The following PLD5 variants were observed in gnomAD, a reference collection of about 807,000 sequenced individuals.
PLD5 encodes phospholipase D family member 5.
In PLD5, 36 loss-of-function variants were observed where a neutral mutation model predicts 61.1. The observed-to-expected ratio is 0.59, with a 90% CI of 0.45 to 0.78. The LOEUF is 0.78. Ranked by LOEUF, PLD5 falls within the 30% of genes least tolerant of loss-of-function variation. The probability of loss-of-function intolerance (pLI) is 0.00; values close to 1 mark genes in which losing one functional copy is unlikely to be tolerated. For missense variants in PLD5, 515 were observed against 644.4 expected (o/e 0.80, Z 2.17); for synonymous variants, 243 against 242.8 (o/e 1.00, Z -0.01).
At chr1:242,220,553 T>C (rs1330405298) in intron 4 of PLD5, among the ~76,000 whole-genome samples, 1 of 152,038 alleles carries the variant, frequency 6.6e-6, no homozygotes, top group African/African-American at 2.4e-5. Flanking sequence ...GTATCACAGC[T>C]CTCCTCAATA....
intron 1 of PLD5, among the ~76,000 whole-genome samples, chr1:242,458,586 G>A (rs1466536545): frequency 6.6e-6 from 1 of 152,194 alleles, no homozygotes; most frequent in Non-Finnish European, 1.5e-5. Flanking sequence ...AGTGTTATAA[G>A]TAAATCCACC....
At chr1:242,499,083 T>C (rs1242341103) in intron 1 of PLD5, among the ~76,000 whole-genome samples, 2 of 152,206 alleles carry the variant, frequency 1.3e-5, no homozygotes, top group African/African-American at 4.8e-5. Flanking sequence ...AGAGGAAGGA[T>C]TCGTTTCTTT....
At chr1:242,523,750 G>C (rs373486950) in intron 1 of PLD5, among the ~76,000 whole-genome samples, 1 of 152,322 alleles carries the variant, frequency 6.6e-6, no homozygotes, top group African/African-American at 2.4e-5. Flanking sequence ...ACGCCAGGTT[G>C]CTCGGAGCCA....
intron 1 of PLD5, among the ~76,000 whole-genome samples, chr1:242,444,752 TATATATA>T (rs1455004136): frequency 1.4e-5 from 2 of 146,960 alleles, no homozygotes; most frequent in East Asian, 2.0e-4. Context: ...AAGTAGGCTA[TATATATA>T]ATATATATTT....
At chr1:242,254,381 A>G (rs948605526) in intron 4 of PLD5, among the ~76,000 whole-genome samples, 1 of 151,844 alleles carries the variant, frequency 6.6e-6, no homozygotes, top group African/African-American at 2.4e-5. Context: ...AAAGGAAAAA[A>G]AGGAAAGGCT....
At chr1:242,203,192 G>A (rs935513173) in intron 5 of PLD5, among the ~76,000 whole-genome samples, 1 of 151,808 alleles carries the variant, frequency 6.6e-6, no homozygotes, top group African/African-American at 2.4e-5. Context: ...GGACTAATTA[G>A]AGAAAGCCAA....
intron 3 of PLD5, 49 bp downstream of exon 3, chr1:242,288,313 G>C (rs1202136395): frequency 2.8e-5 from 45 of 1,588,454 alleles, no homozygotes; most frequent in Non-Finnish European, 3.8e-5. Flanking sequence ...CTAAGGAGTG[G>C]AAAATGCACA....
At chr1:242,294,119 C>T (rs1675520313) in intron 2 of PLD5, among the ~76,000 whole-genome samples, 1 of 152,158 alleles carries the variant, frequency 6.6e-6, no homozygotes, top group African/African-American at 2.4e-5. Context: ...GAGAACTCTA[C>T]CTAGAGGCTG....
chr1:242,244,831 G>T (rs1672267200), intron 4 of PLD5, among the ~76,000 whole-genome samples: 2 of 152,194 alleles, frequency 1.3e-5, no homozygotes, highest in Non-Finnish European at 2.9e-5. Flanking sequence ...CTTTTTCTAA[G>T]CAAGACTCAG....
At chr1:242,396,036 G>A (rs1316843100) in intron 1 of PLD5, among the ~76,000 whole-genome samples, 3 of 152,102 alleles carry the variant, frequency 2.0e-5, no homozygotes, top group African/African-American at 2.4e-5. Context: ...TAATAAGAAT[G>A]AGACTCCATC....
chr1:242,182,475 T>G (rs1483130051), intron 5 of PLD5, among the ~76,000 whole-genome samples: 1 of 152,226 alleles, frequency 6.6e-6, no homozygotes. Flanking sequence ...CACCCCTTGA[T>G]TACATGTCAT....
At chr1:242,454,612 A>G (rs1334508722) in intron 1 of PLD5, among the ~76,000 whole-genome samples, 2 of 152,064 alleles carry the variant, frequency 1.3e-5, no homozygotes, top group East Asian at 3.9e-4. Context: ...TGTTTACATT[A>G]ATTTCTATTA....
intron 5 of PLD5, among the ~76,000 whole-genome samples, chr1:242,152,837 A>G (rs1021825064): frequency 2.0e-5 from 3 of 152,156 alleles, no homozygotes; most frequent in African/African-American, 7.2e-5. Context: ...GTGTCTTTAT[A>G]GTGGAATGAT....
At chr1:242,453,264 C>G (rs912138752) in intron 1 of PLD5, among the ~76,000 whole-genome samples, 2 of 152,160 alleles carry the variant, frequency 1.3e-5, no homozygotes, top group Admixed American at 6.5e-5. Flanking sequence ...AGCAGGTCCT[C>G]CAGGCATCAA....
intron 1 of PLD5, among the ~76,000 whole-genome samples, chr1:242,505,481 A>G (rs1311859934): frequency 6.6e-6 from 1 of 152,216 alleles, no homozygotes; most frequent in African/African-American, 2.4e-5. Flanking sequence ...CTAAGTGTCC[A>G]TCAACTGATG....
At chr1:242,515,954 C>T (rs964528805) in intron 1 of PLD5, among the ~76,000 whole-genome samples, 12 of 152,148 alleles carry the variant, frequency 7.9e-5, no homozygotes, top group African/African-American at 2.7e-4. Context: ...TTCATCAATA[C>T]TTTGGTCACT....
At chr1:242,204,136 A>G (rs1363771537) in intron 5 of PLD5, among the ~76,000 whole-genome samples, 1 of 151,694 alleles carries the variant, frequency 6.6e-6, no homozygotes, top group Non-Finnish European at 1.5e-5. Flanking sequence ...CCAGCTACTC[A>G]GGAGGCTGAG....
At chr1:242,277,748 C>T (rs1476346721) in intron 3 of PLD5, among the ~76,000 whole-genome samples, 3 of 151,036 alleles carry the variant, frequency 2.0e-5, no homozygotes, top group East Asian at 2.0e-4. Flanking sequence ...TTTGGGAGGC[C>T]GACGCGGAAG....
intron 1 of PLD5, among the ~76,000 whole-genome samples, chr1:242,395,037 G>GTATATGAATATATGAATA (rs1663460605): frequency 2.1e-5 from 1 of 47,858 alleles, no homozygotes; most frequent in Non-Finnish European, 3.8e-5. Context: ...ATATATGAAT[G>GTATATGAATATATGAATA]TATATGTATA....
Sources: gnomAD v4.1 joint callset for allele counts (sites outside exome capture counted in the v4.1 genomes callset) on GRCh38, gnomAD v4.1.1 for gene constraint, MANE v1.5 for transcripts, NCBI Gene and HGNC (gene_info 2026-07-23, HGNC 2026-07-21) for gene names.